The following CNTNAP2 variants were observed in gnomAD, a reference collection of about 807,000 sequenced individuals.
CNTNAP2 encodes contactin-associated protein-like 2.
In CNTNAP2, 98 loss-of-function variants were observed where a neutral mutation model predicts 155.2. The ratio of observed to expected loss-of-function variants is 0.63; its 90% CI spans 0.54 to 0.75. CNTNAP2 has a LOEUF of 0.75. CNTNAP2 is among the 30% of genes least tolerant of loss of function. CNTNAP2 has a pLI of 0.00. For missense variants in CNTNAP2, 1,727 were observed against 1,688.1 expected, an observed-to-expected ratio of 1.02 and a Z score of -0.40; for synonymous variants, 651 against 631.2, an observed-to-expected ratio of 1.03 and a Z score of -0.47.
intron 21 of CNTNAP2, among the ~76,000 whole-genome samples, chr7:148,317,764 G>T (rs940262121): frequency 4.0e-5 from 6 of 151,532 alleles, no homozygotes; most frequent in African/African-American, 1.5e-4. Context: ...GCAGTGGTGC[G>T]ATCTCGGCTC....
intron 14 of CNTNAP2, among the ~76,000 whole-genome samples, chr7:147,964,175 G>A (rs190199870): frequency 2.6e-5 from 4 of 152,200 alleles, no homozygotes; most frequent in Admixed American, 6.5e-5. Context: ...ATGAGGACAC[G>A]GTGGGAAGGT....
chr7:146,461,944 TA>T (rs1003575427), intron 1 of CNTNAP2, among the ~76,000 whole-genome samples: 2 of 152,248 alleles, frequency 1.3e-5, no homozygotes, highest in African/African-American at 2.4e-5. Context: ...TCTTGTTTCC[TA>T]ATAAGCTTCT....
intron 18 of CNTNAP2, among the ~76,000 whole-genome samples, chr7:148,195,092 T>A (rs1795255377): frequency 6.6e-6 from 1 of 152,226 alleles, no homozygotes; most frequent in African/African-American, 2.4e-5. Flanking sequence ...TAGGGTCAAG[T>A]GCTACCTCTT....
chr7:148,257,758 T>C (rs898206065), intron 20 of CNTNAP2, among the ~76,000 whole-genome samples: 29 of 152,094 alleles, frequency 1.9e-4, no homozygotes, highest in Non-Finnish European at 2.1e-4. Context: ...GATCAGCCAG[T>C]CTCCCCATCG....
intron 21 of CNTNAP2, among the ~76,000 whole-genome samples, chr7:148,314,472 G>A: frequency 6.6e-6 from 1 of 152,182 alleles, no homozygotes. Flanking sequence ...GTGAGTTGAA[G>A]AGGTTTTAGG....
At chr7:147,905,637 C>G (rs1446530751) in intron 14 of CNTNAP2, among the ~76,000 whole-genome samples, 1 of 152,236 alleles carries the variant, frequency 6.6e-6, no homozygotes, top group East Asian at 1.9e-4. Context: ...AATCCCAGCA[C>G]TTTGGGAGGC....
At chr7:147,676,395 C>T (rs2116973743) in intron 13 of CNTNAP2, among the ~76,000 whole-genome samples, 1 of 151,992 alleles carries the variant, frequency 6.6e-6, no homozygotes, top group African/African-American at 2.4e-5. Context: ...TGCTAATTGA[C>T]AAACAAAATT....
At chr7:147,687,853 A>G (rs1467673851) in intron 13 of CNTNAP2, among the ~76,000 whole-genome samples, 1 of 152,114 alleles carries the variant, frequency 6.6e-6, no homozygotes, top group Non-Finnish European at 1.5e-5. Flanking sequence ...CTCTATGATA[A>G]CATCCATATT....
At chr7:147,016,860 G>A (rs1798733427) in intron 3 of CNTNAP2, among the ~76,000 whole-genome samples, 1 of 151,912 alleles carries the variant, frequency 6.6e-6, no homozygotes, top group Non-Finnish European at 1.5e-5. Flanking sequence ...TACTCCCTAG[G>A]TCACTGTGCA....
intron 15 of CNTNAP2, among the ~76,000 whole-genome samples, chr7:148,076,637 G>A (rs1024545994): frequency 1.5e-4 from 23 of 151,514 alleles, no homozygotes; most frequent in South Asian, 1.1e-3. Flanking sequence ...GGGTTTCACC[G>A]TGTTAGCCAG....
chr7:147,223,520 A>C (rs929451163), intron 8 of CNTNAP2, among the ~76,000 whole-genome samples: 7 of 152,190 alleles, frequency 4.6e-5, no homozygotes, highest in African/African-American at 1.7e-4. Flanking sequence ...ACCCTGAGGC[A>C]TTGTGATGCA....
intron 12 of CNTNAP2, among the ~76,000 whole-genome samples, chr7:147,562,764 G>A (rs1028693438): frequency 2.0e-5 from 3 of 152,212 alleles, no homozygotes; most frequent in African/African-American, 7.2e-5. Flanking sequence ...TTCTTGGGAA[G>A]AGGACCTAGT....
At chr7:146,466,830 A>G (rs1340275578) in intron 1 of CNTNAP2, among the ~76,000 whole-genome samples, 4 of 152,200 alleles carry the variant, frequency 2.6e-5, no homozygotes, top group Non-Finnish European at 5.9e-5. Flanking sequence ...TCTGATCTAA[A>G]ATATCCCTAC....
chr7:146,525,576 C>CTA (rs1563119582), intron 1 of CNTNAP2, among the ~76,000 whole-genome samples: 12 of 132,332 alleles, frequency 9.1e-5, no homozygotes, highest in African/African-American at 2.5e-4. Context: ...ATCTATCTAT[C>CTA]TCTCTATCTA....
intron 9 of CNTNAP2, among the ~76,000 whole-genome samples, chr7:147,310,765 G>A (rs374095391): frequency 2.0e-5 from 3 of 152,150 alleles, no homozygotes; most frequent in African/African-American, 7.2e-5. Flanking sequence ...TAAAAGCATA[G>A]TAAGGAAGGC....
chr7:147,495,783 A>G (rs773669386), intron 11 of CNTNAP2, among the ~76,000 whole-genome samples: 4 of 152,176 alleles, frequency 2.6e-5, no homozygotes, highest in Non-Finnish European at 4.4e-5. Flanking sequence ...TATCCATTAG[A>G]ACAGGAGTCC....
chr7:148,003,511 T>C (rs1801929820), intron 15 of CNTNAP2, among the ~76,000 whole-genome samples: 1 of 152,104 alleles, frequency 6.6e-6, no homozygotes, highest in South Asian at 2.1e-4. Context: ...GAATGAGAAG[T>C]ATTGAGGAGC....
At chr7:146,720,963 CAG>C (rs1257830287) in intron 1 of CNTNAP2, among the ~76,000 whole-genome samples, 151 of 124,198 alleles carry the variant, frequency 1.2e-3, no homozygotes, top group South Asian at 1.9e-3. Flanking sequence ...TATATATATA[CAG>C]TATATATATA....
intron 9 of CNTNAP2, among the ~76,000 whole-genome samples, chr7:147,328,433 C>T (rs1795499416): frequency 6.6e-6 from 1 of 152,184 alleles, no homozygotes; most frequent in South Asian, 2.1e-4. Context: ...TAAAAGTACA[C>T]AGCTTCTCCA....
Sources: allele counts gnomAD v4.1 joint callset (sites outside exome capture counted in the v4.1 genomes callset), GRCh38; gene constraint gnomAD v4.1.1; transcripts MANE v1.5; gene names NCBI Gene and HGNC (gene_info 2026-07-23, HGNC 2026-07-21).